LRP2: variants seen among roughly 807,000 people sequenced by gnomAD.
The protein encoded by LRP2 is low-density lipoprotein receptor-related protein 2.
LRP2 carries 172 observed loss-of-function variants against 531.0 expected under a neutral mutation model. That is an observed-to-expected ratio of 0.32 (90% CI 0.29 to 0.37). LRP2 has a LOEUF of 0.37. Among genes scored for constraint, LRP2 ranks in the 10% least tolerant of loss-of-function variants. The pLI, the probability that LRP2 is intolerant of heterozygous loss-of-function variation, is 1.00. For synonymous variants in LRP2, 1,992 were observed against 2,027.6 expected (o/e 0.98, Z 0.47); for missense variants, 5,167 against 5,868.3 (o/e 0.88, Z 3.90).
intron 1 of LRP2, among the ~76,000 whole-genome samples, chr2:169,338,359 G>GGAAAGAAAGAAGGAAA (rs1685467471): frequency 5.2e-5 from 4 of 76,566 alleles, no homozygotes; most frequent in African/African-American, 1.7e-4. Flanking sequence ...AAAGAAAGAA[G>GGAAAGAAAGAAGGAAA]GAAAGAAAGA....
intron 6 of LRP2, 149 bp downstream of exon 6, chr2:169,293,999 G>A (rs1360272777): frequency 2.4e-5 from 17 of 699,142 alleles, no homozygotes; most frequent in Middle Eastern, 2.3e-4. Flanking sequence ...CCTAGTGACC[G>A]TCTGATTCCA....
rs377642079 is a variant in LRP2 at position 169,181,361 on chromosome 2, T to C, written c.10169+87A>G. 5.1e-5 allele frequency: 69 copies of C among 1,342,604 alleles called. No individual in the cohort carries two copies. The Middle Eastern group carries it at 1.4e-3, about 28-fold the overall frequency. The allele number at this position is 1,342,604 out of a possible 1,614,324, so 83.2% of individuals were successfully genotyped here. A position where few individuals can be genotyped will look rare whatever the true frequency, so the allele number is the denominator to read the frequency against. On this transcript the variant is annotated intron_variant, in intron 52 of 78. Transcript: ENST00000649046. ...TCCAACAGACAGGCCAGTTAGACAATAGAGGGGACTAATAGACTGGAATCA... is the reference window on the plus strand; with the variant it reads ...TCCAACAGACAGGCCAGTTAGACAACAGAGGGGACTAATAGACTGGAATCA...
At position 169,236,040 on chromosome 2, in the gene LRP2, C is replaced by T. The variant is rs752650755; in HGVS notation, c.4720G>A (p.Gly1574Ser). The change falls in exon 29 of 79, where the codon GGC becomes AGC. Residue 1574 changes from glycine (G) to serine (S), a missense_variant. Transcript: ENST00000649046. ...GCTCGCTCGATGCGAGGGTGGTGGC[C>T]CCAGTCAGACCAGAACAGTAGATGC... is the stretch of plus-strand genomic sequence containing the variant. ...NEHLLFWSDW[G>S]HHPRIERASM... 4 of 1,613,832 alleles carry T rather than the reference C, an allele frequency of 2.5e-6. No homozygotes were observed. The highest frequency in any genetic ancestry group is 2.5e-6 in the Non-Finnish European group (3 of 1,179,892).
At chr2:169,261,915 C>G (rs534617821) in intron 16 of LRP2, among the ~76,000 whole-genome samples, 1 of 151,384 alleles carries the variant, frequency 6.6e-6, no homozygotes, top group African/African-American at 2.4e-5. Context: ...TGGGCTTCAT[C>G]CCTGGGATGC....
intron 9 of LRP2, among the ~76,000 whole-genome samples, chr2:169,288,519 G>A (rs1385270639): frequency 6.6e-6 from 1 of 152,194 alleles, no homozygotes; most frequent in Non-Finnish European, 1.5e-5. Context: ...TGGCCCACCA[G>A]TGTAGTCACC....
chr2:169,183,106 C>T (rs1435468860), intron 50 of LRP2, among the ~76,000 whole-genome samples: 1 of 152,188 alleles, frequency 6.6e-6, no homozygotes, highest in Non-Finnish European at 1.5e-5. Context: ...GGGTTAAATG[C>T]ACCTATAGTG....
chr2:169,135,953 C>G (rs1454853270), intron 76 of LRP2, among the ~76,000 whole-genome samples: 1 of 152,224 alleles, frequency 6.6e-6, no homozygotes, highest in East Asian at 1.9e-4. Flanking sequence ...TGGTGCTATC[C>G]CCAAACCGCC....
intron 45 of LRP2, among the ~76,000 whole-genome samples, chr2:169,197,727 C>T (rs937012396): frequency 2.0e-5 from 3 of 152,226 alleles, no homozygotes; most frequent in African/African-American, 7.2e-5. Flanking sequence ...ACAATGGAAG[C>T]AGAGGTCCCT....
chr2:169,239,013 A>G (rs1689708519), intron 26 of LRP2, among the ~76,000 whole-genome samples: 1 of 152,242 alleles, frequency 6.6e-6, no homozygotes, highest in South Asian at 2.1e-4. Context: ...CATGATGAGG[A>G]TAACAGAGCA....
At chr2:169,264,964 A>G (rs553992120) in intron 16 of LRP2, among the ~76,000 whole-genome samples, 218 of 152,152 alleles carry the variant, frequency 1.4e-3, no homozygotes, top group Non-Finnish European at 2.6e-3. Context: ...CAGGAGGATT[A>G]TAGGAATACT....
At chr2:169,323,198 T>C (rs2105519684) in intron 1 of LRP2, among the ~76,000 whole-genome samples, 1 of 152,326 alleles carries the variant, frequency 6.6e-6, no homozygotes, top group Non-Finnish European at 1.5e-5. Context: ...TTATCTAATA[T>C]ATCAAATCCA....
At chr2:169,230,761 A>C (rs987979616) in intron 31 of LRP2, among the ~76,000 whole-genome samples, 6 of 152,200 alleles carry the variant, frequency 3.9e-5, no homozygotes, top group Non-Finnish European at 8.8e-5. Context: ...ACTGGATGCA[A>C]CTTTTCCTTC....
At chr2:169,217,742 C>A (rs571662889) in intron 34 of LRP2, among the ~76,000 whole-genome samples, 13 of 152,298 alleles carry the variant, frequency 8.5e-5, no homozygotes, top group African/African-American at 3.1e-4. Context: ...CGCATATTGA[C>A]TATTTCAAGT....
At chr2:169,170,981 G>T (rs1024513743) in intron 58 of LRP2, among the ~76,000 whole-genome samples, 4 of 104,866 alleles carry the variant, frequency 3.8e-5, no homozygotes, top group African/African-American at 1.5e-4. Context: ...GGCTGACTTT[G>T]AACTCCTGGT....
intron 1 of LRP2, among the ~76,000 whole-genome samples, chr2:169,327,987 G>C (rs866744076): frequency 5.2e-5 from 5 of 95,688 alleles, no homozygotes; most frequent in South Asian, 3.2e-4. Context: ...GAGGTGGGGG[G>C]GTTAGCCCCA....
intron 24 of LRP2, among the ~76,000 whole-genome samples, chr2:169,242,298 A>T (rs1463983466): frequency 6.6e-6 from 1 of 152,224 alleles, no homozygotes; most frequent in Non-Finnish European, 1.5e-5. Flanking sequence ...AAATCATGTG[A>T]GTATAGGTTT....
chr2:169,166,465 G>A (rs1686788131), intron 61 of LRP2, among the ~76,000 whole-genome samples: 1 of 152,186 alleles, frequency 6.6e-6, no homozygotes, highest in Non-Finnish European at 1.5e-5. Context: ...TCGGTGGCTG[G>A]AGCATGGATC....
intron 33 of LRP2, among the ~76,000 whole-genome samples, chr2:169,221,288 T>C (rs576264287): frequency 4.7e-4 from 71 of 152,262 alleles, no homozygotes; most frequent in East Asian, 1.7e-3. Context: ...ATATGAGGTA[T>C]TAGAGCAAGC....
intron 62 of LRP2, among the ~76,000 whole-genome samples, chr2:169,163,852 A>C (rs1462837411): frequency 6.6e-6 from 1 of 152,194 alleles, no homozygotes; most frequent in Non-Finnish European, 1.5e-5. Context: ...TAGACAAGAA[A>C]AAACTCTCAA....
Sources: gnomAD v4.1 joint callset for allele counts (sites outside exome capture counted in the v4.1 genomes callset) on GRCh38, gnomAD v4.1.1 for gene constraint, MANE v1.5 for transcripts, NCBI Gene and HGNC (gene_info 2026-07-23, HGNC 2026-07-21) for gene names.